TCF7L2: variants seen among roughly 807,000 people sequenced by gnomAD.
TCF7L2 encodes the protein transcription factor 7-like 2.
TCF7L2 carries 23 observed loss-of-function variants against 77.9 expected under a neutral mutation model. The observed-to-expected ratio is 0.30, with a 90% CI of 0.21 to 0.42. The LOEUF (loss-of-function observed/expected upper bound fraction) is 0.42, where lower values mean the gene tolerates loss of function less well. Ranked by LOEUF, TCF7L2 falls within the 10% of genes least tolerant of loss-of-function variation. The probability of loss-of-function intolerance (pLI) is 1.00; values close to 1 mark genes in which losing one functional copy is unlikely to be tolerated. For missense variants in TCF7L2, 654 were observed against 793.1 expected, an observed-to-expected ratio of 0.82 and a Z score of 2.11; for synonymous variants, 413 against 340.2, an observed-to-expected ratio of 1.21 and a Z score of -2.36.
intron 4 of TCF7L2, among the ~76,000 whole-genome samples, chr10:113,036,001 T>C (rs1249674034): frequency 6.6e-6 from 1 of 152,104 alleles, no homozygotes; most frequent in Non-Finnish European, 1.5e-5. Flanking sequence ...GCCCCGTCCA[T>C]CTGTGGAGCA....
intron 11 of TCF7L2, among the ~76,000 whole-genome samples, chr10:113,153,305 A>AT (rs2071148618): frequency 6.6e-6 from 1 of 152,144 alleles, no homozygotes; most frequent in Non-Finnish European, 1.5e-5. Flanking sequence ...GAGGGATGAA[A>AT]TGCCTCTTGT....
chr10:113,143,710 A>G (rs2068786372), intron 6 of TCF7L2, among the ~76,000 whole-genome samples: 1 of 152,228 alleles, frequency 6.6e-6, no homozygotes, highest in Non-Finnish European at 1.5e-5. Flanking sequence ...ATACCAGTCC[A>G]TTTAGAAGGA....
intron 4 of TCF7L2, among the ~76,000 whole-genome samples, chr10:112,966,070 G>A (rs1204004765): frequency 6.6e-6 from 1 of 151,194 alleles, no homozygotes; most frequent in African/African-American, 2.4e-5. Context: ...AGTTAATCAG[G>A]AGGCTGAGGC....
At chr10:113,150,735 G>T (rs1335663773) in intron 8 of TCF7L2, among the ~76,000 whole-genome samples, 1 of 152,274 alleles carries the variant, frequency 6.6e-6, no homozygotes, top group South Asian at 2.1e-4. Flanking sequence ...GCCCAAGTAC[G>T]TCAGTTGAAT....
At chr10:112,973,578 G>GTT (rs1554884646) in intron 4 of TCF7L2, among the ~76,000 whole-genome samples, 18 of 151,790 alleles carry the variant, frequency 1.2e-4, no homozygotes, top group Non-Finnish European at 2.2e-4. Context: ...CTTTTTTATT[G>GTT]TTTAATTTTA....
At chr10:113,164,602 A>G (rs979703448) in intron 13 of TCF7L2, among the ~76,000 whole-genome samples, 1 of 151,874 alleles carries the variant, frequency 6.6e-6, no homozygotes, top group Non-Finnish European at 1.5e-5. Flanking sequence ...ATCTTAAAAA[A>G]AAAAAAAAAA....
chr10:113,135,304 C>G (rs547429827), intron 5 of TCF7L2, among the ~76,000 whole-genome samples: 137 of 152,280 alleles, frequency 9.0e-4, no homozygotes, highest in African/African-American at 3.0e-3. Flanking sequence ...CCCATTCCCC[C>G]CCACTGTAGT....
At chr10:113,101,786 T>C (rs753365470) in intron 5 of TCF7L2, among the ~76,000 whole-genome samples, 1 of 143,568 alleles carries the variant, frequency 7.0e-6, no homozygotes, top group Non-Finnish European at 1.5e-5. Flanking sequence ...GAGCTTGCAG[T>C]GAGCCGAGAT....
intron 5 of TCF7L2, among the ~76,000 whole-genome samples, chr10:113,043,777 C>T (rs2052916118): frequency 6.6e-6 from 1 of 152,038 alleles, no homozygotes; most frequent in South Asian, 2.1e-4. Flanking sequence ...TTCTTTGCTC[C>T]CTTTTTTCCT....
chr10:113,015,446 CTTTTTTTTTTT>C (rs67005436), intron 4 of TCF7L2, among the ~76,000 whole-genome samples: 2 of 103,236 alleles, frequency 1.9e-5, no homozygotes, highest in Non-Finnish European at 3.7e-5. Context: ...GCCTGATGAG[CTTTTTTTTTTT>C]TTTTTTTTTT....
intron 4 of TCF7L2, among the ~76,000 whole-genome samples, chr10:113,018,693 C>T (rs750981517): frequency 1.2e-4 from 18 of 152,098 alleles, no homozygotes; most frequent in South Asian, 4.1e-4. Context: ...GTCTCAAACT[C>T]CTGACCTCGA....
chr10:113,140,569 T>C (rs1318776759), intron 5 of TCF7L2, among the ~76,000 whole-genome samples: 1 of 152,146 alleles, frequency 6.6e-6, no homozygotes, highest in Non-Finnish European at 1.5e-5. Flanking sequence ...TGTCAGGCAG[T>C]TTAGAGCTTT....
chr10:113,081,501 GTTATGC>G (rs2059312406), intron 5 of TCF7L2, among the ~76,000 whole-genome samples: 1 of 152,174 alleles, frequency 6.6e-6, no homozygotes, highest in Admixed American at 6.5e-5. Context: ...GGGCTTCTGT[GTTATGC>G]TTAAACAAGT....
intron 5 of TCF7L2, among the ~76,000 whole-genome samples, chr10:113,092,226 C>G (rs2060476706): frequency 1.3e-5 from 2 of 152,188 alleles, no homozygotes; most frequent in South Asian, 4.1e-4. Flanking sequence ...GAAGCATCTC[C>G]CAGGGACGTG....
chr10:113,052,528 A>G (rs749554366), intron 5 of TCF7L2, among the ~76,000 whole-genome samples: 31 of 152,208 alleles, frequency 2.0e-4, no homozygotes, highest in Non-Finnish European at 4.1e-4. Context: ...TTCCAAATGA[A>G]ATTATGGGAG....
intron 4 of TCF7L2, among the ~76,000 whole-genome samples, chr10:113,006,697 T>C (rs1463352794): frequency 6.6e-6 from 1 of 152,230 alleles, no homozygotes; most frequent in Non-Finnish European, 1.5e-5. Context: ...AGGATCATCA[T>C]GGGTGTTTTA....
At chr10:113,054,389 T>C (rs2054988150) in intron 5 of TCF7L2, among the ~76,000 whole-genome samples, 1 of 152,186 alleles carries the variant, frequency 6.6e-6, no homozygotes, top group African/African-American at 2.4e-5. Context: ...TCTTTGAGTA[T>C]TGGGGTTTTC....
chr10:113,087,404 G>A lies in TCF7L2; in HGVS notation c.552+47278G>A, dbSNP rs548880288. Among the ~76,000 whole-genome samples the A allele has an allele frequency of 9.8e-5, 15 of 152,340 alleles. No individual in the cohort carries two copies. In the South Asian group the frequency reaches 3.1e-3, roughly 32 times the overall value. ...CAGACAAGGATTAAACCCTCATGTTGCTGGGTTCCTTCTAGAAACAATTGG... is the reference window on the plus strand; with the variant it reads ...CAGACAAGGATTAAACCCTCATGTTACTGGGTTCCTTCTAGAAACAATTGG... On this transcript the variant is annotated intron_variant, in intron 5 of 13. Transcript: ENST00000627217.
intron 12 of TCF7L2, 123 bp downstream of exon 12, chr10:113,158,192 T>G: frequency 1.0e-6 from 1 of 968,420 alleles, no homozygotes; most frequent in Non-Finnish European, 1.6e-6. Flanking sequence ...GGAACCCTTC[T>G]TAGCTAGCCT....
Sources: allele counts gnomAD v4.1 joint callset (sites outside exome capture counted in the v4.1 genomes callset), GRCh38; gene constraint gnomAD v4.1.1; transcripts MANE v1.5; gene names NCBI Gene and HGNC (gene_info 2026-07-23, HGNC 2026-07-21).